Variants in DST observed in about 807,000 individuals in gnomAD.
DST encodes the protein bullous pemphigoid antigen.
A neutral mutation model predicts 875.2 loss-of-function variants in DST; 253 were observed. The ratio of observed to expected loss-of-function variants is 0.29; its 90% CI spans 0.26 to 0.32. DST has a LOEUF of 0.32. Ranked by LOEUF, DST falls within the 10% of genes least tolerant of loss-of-function variation. DST has a pLI of 1.00. For synonymous variants in DST, 3,124 were observed against 3,197.1 expected (o/e 0.98, Z 0.77); for missense variants, 8,287 against 9,111.6 (o/e 0.91, Z 3.68).
At chr6:56,749,300 G>A (rs2099580995) in intron 4 of DST, among the ~76,000 whole-genome samples, 1 of 152,118 alleles carries the variant, frequency 6.6e-6, no homozygotes, top group Admixed American at 6.6e-5. Flanking sequence ...GTTGCAGTGA[G>A]ACGAGATTGG....
chr6:56,932,926 T>C lies in DST; in HGVS notation c.216+20859A>G, dbSNP rs373559382. On this transcript the variant is annotated intron_variant, in intron 2 of 103. Transcript: ENST00000680361. The stretch of plus-strand genomic sequence containing the variant: ...AGCAACTAGATAAGCAAGAAGGTAA[T>C]AGTAGCTTAAAACAATCTCCCAGGA... Among the ~76,000 whole-genome samples the C allele has an allele frequency of 2.3e-3, 352 of 150,968 alleles. 3 individuals carry two copies. The highest frequency in any genetic ancestry group is 8.1e-3 in the African/African-American group (333 of 41,048).
At chr6:56,620,522 T>A in intron 36 of DST, 1 of 1,614,088 alleles carries the variant, frequency 6.2e-7, no homozygotes, top group Non-Finnish European at 8.5e-7. Flanking sequence ...CTTTCTCAAT[T>A]CATTTTCTGC....
In DST at chr6:56,604,355, C is replaced by A; in HGVS notation, c.10273G>T (p.Glu3425Ter). 1 of 1,612,202 alleles carries A rather than the reference C, an allele frequency of 6.2e-7. No individual in the cohort carries two copies. The highest frequency in any genetic ancestry group is 8.5e-7 in the Non-Finnish European group (1 of 1,179,012). ...SGVSPMTNSS[E>*]LKPESRDDPF... The stretch of plus-strand genomic sequence containing the variant: ...TCATCTCTACTTTCTGGCTTTAGTT[C>A]TGATGAGTTAGTCATGGGGGAAACT... Residue 3425 changes from glutamate to a stop codon, truncating the protein, a stop_gained, in exon 40 of 104, where the codon GAA becomes TAA. Coordinates refer to ENST00000680361, the MANE Select transcript of DST (RefSeq NM_001374736.1). LOFTEE classifies it high-confidence loss of function.
At chr6:56,733,260 C>G (rs2099509423) in intron 5 of DST, among the ~76,000 whole-genome samples, 1 of 152,084 alleles carries the variant, frequency 6.6e-6, no homozygotes, top group Middle Eastern at 3.2e-3. Context: ...ACCTATCAAT[C>G]TCCTCAAAAA....
intron 36 of DST, chr6:56,615,422 C>A (rs1355745921): frequency 6.3e-7 from 1 of 1,585,132 alleles, no homozygotes. Context: ...TTACATAATT[C>A]ACAGACTGCA....
Position 56,567,889 on chromosome 6 carries a change from T to C in DST, c.14005+580A>G, listed in dbSNP as rs186863374. Among the ~76,000 whole-genome samples the C allele has an allele frequency of 4.6e-5, 7 of 152,322 alleles. No individual in the cohort carries two copies. In the East Asian group the frequency reaches 1.3e-3, roughly 29 times the overall value. Reference sequence around the variant, plus strand: ...TTGCTTAAATTAATTTTAGAATCAATATTTACACATGAATCTCCCATTTTA... The same window carrying C: ...TTGCTTAAATTAATTTTAGAATCAACATTTACACATGAATCTCCCATTTTA... On this transcript the variant is annotated intron_variant, in intron 55 of 103. Coordinates refer to ENST00000680361, the MANE Select transcript of DST (RefSeq NM_001374736.1).
chr6:56,756,334 C>G (rs1050180682), intron 4 of DST, among the ~76,000 whole-genome samples: 2 of 152,118 alleles, frequency 1.3e-5, no homozygotes, highest in African/African-American at 4.8e-5. Context: ...GGGCCAGGAA[C>G]AATCAAGCAT....
intron 61 of DST, among the ~76,000 whole-genome samples, chr6:56,544,001 AAG>A (rs1186869611): frequency 2.0e-5 from 3 of 152,234 alleles, no homozygotes; most frequent in African/African-American, 7.2e-5. Flanking sequence ...TATAAAGAAA[AAG>A]AGATTTAAAA....
chr6:56,489,134 T>C (rs79877465), intron 86 of DST, among the ~76,000 whole-genome samples: 3,577 of 152,294 alleles, frequency 0.023, 137 homozygotes, highest in African/African-American at 0.08. Flanking sequence ...CAAGGTGCTA[T>C]TTTGTCTGTC....
Position 56,485,201 on chromosome 6 carries a change from T to C in DST, c.21207+111A>G, listed in dbSNP as rs774843961. 5.9e-6 allele frequency: 7 copies of C among 1,184,066 alleles called. No homozygotes were observed. The African/African-American group carries it at 1.1e-4, about 18-fold the overall frequency. The allele number at this position is 1,184,066 out of a possible 1,614,324, so 73.3% of individuals were successfully genotyped here. A position where few individuals can be genotyped will look rare whatever the true frequency, so the allele number is the denominator to read the frequency against. ...TATTTCAACAATAAAGACTGTTATG[T>C]AGTATGATCTATAGTCTTCTGATTT... On this transcript the variant is annotated intron_variant, in intron 88 of 103. Coordinates refer to ENST00000680361, the MANE Select transcript of DST (RefSeq NM_001374736.1).
In DST at chr6:56,526,488, A is replaced by G; in HGVS notation, c.18002T>C (p.Val6001Ala). Residue 6001 changes from valine to alanine, a missense_variant, in exon 69 of 104, where the codon GTA (valine) becomes GCA (alanine). Around this residue, in one of 10 missense-constraint regions of DST, gnomAD observed 777 missense variants for 764.8 expected, o/e 1.02. Transcript: ENST00000680361. The stretch of plus-strand genomic sequence containing the variant: ...AAGTCCTTCTCTTGCCCTCCATGGT[A>G]CCAGTTCCAGCAAAGCACTGCTCAC... ...NEVSSALLEL[V>A]PWRAREGLEK... 6.2e-7 allele frequency: 1 copy of G among 1,613,842 alleles called. No individual in the cohort carries two copies. Among genetic ancestry groups the G allele is most frequent in the Non-Finnish European group, 8.5e-7 (1 of 1,179,802 alleles).
intron 36 of DST, chr6:56,616,140 C>G: frequency 6.2e-7 from 1 of 1,614,184 alleles, no homozygotes; most frequent in Non-Finnish European, 8.5e-7. Context: ...CTGTGCAAAT[C>G]TTTCTTGGGG....
Position 56,746,545 on chromosome 6 carries a change from G to A in DST, c.626-11256C>T, listed in dbSNP as rs2152945546. Among the ~76,000 whole-genome samples the A allele has an allele frequency of 2.0e-5, 3 of 151,976 alleles. No individual in the cohort carries two copies. The South Asian group carries it at 6.2e-4, about 32-fold the overall frequency. ...AATCTGCACATAGTAACACAAAAGAGGTTTACAAGATCAGTGAAAAAAAAT... is the reference window on the plus strand; with the variant it reads ...AATCTGCACATAGTAACACAAAAGAAGTTTACAAGATCAGTGAAAAAAAAT... On this transcript the variant is annotated intron_variant, in intron 4 of 103. Coordinates refer to ENST00000680361, the MANE Select transcript of DST (RefSeq NM_001374736.1).
intron 4 of DST, among the ~76,000 whole-genome samples, chr6:56,784,920 C>T (rs2099701991): frequency 6.6e-6 from 1 of 152,112 alleles, no homozygotes; most frequent in South Asian, 2.1e-4. Flanking sequence ...GATGTCCTTT[C>T]TGTTTGTTAG....
At position 56,606,500 on chromosome 6, in the gene DST, G is replaced by A. The variant is rs1452454213; in HGVS notation, c.8128C>T (p.Pro2710Ser). 4 of 1,613,084 alleles carry A rather than the reference G, an allele frequency of 2.5e-6. No homozygotes were observed. The highest frequency in any genetic ancestry group is 2.7e-5 in the African/African-American group (2 of 74,856). ...CCATTCACCTTATCTGAGCCAACAGGATTTAAATGTATTTTTTCACCAGAA... is the reference window on the plus strand; with the variant it reads ...CCATTCACCTTATCTGAGCCAACAGAATTTAAATGTATTTTTTCACCAGAA... ...LDSGEKIHLN[P>S]VGSDKVNGQS... Residue 2710 changes from proline (P) to serine (S), a missense_variant, in exon 40 of 104, where the codon CCT becomes TCT. By Grantham distance (74) the Pro-to-Ser change is moderately conservative (BLOSUM62 -1). This residue lies in a region of DST where 3,138 missense variants were observed against 3,116.6 expected (regional missense o/e 1.01). Transcript: ENST00000680361.
intron 4 of DST, among the ~76,000 whole-genome samples, chr6:56,775,612 G>A (rs1258885155): frequency 6.6e-6 from 1 of 152,100 alleles, no homozygotes; most frequent in Non-Finnish European, 1.5e-5. Flanking sequence ...GCTAGGGCAG[G>A]AAATACACAA....
At chr6:56,858,928 G>T (rs1447616593) in intron 3 of DST, among the ~76,000 whole-genome samples, 1 of 152,204 alleles carries the variant, frequency 6.6e-6, no homozygotes. Flanking sequence ...ACAAGGTGCA[G>T]CCAGGATTTC....
intron 23 of DST, 77 bp from the exon 24 acceptor site, chr6:56,635,791 A>G: frequency 6.7e-7 from 1 of 1,483,776 alleles, no homozygotes; most frequent in Non-Finnish European, 9.3e-7. Context: ...TCCAATACCA[A>G]GGTCCTATGT....
chr6:56,614,724 A>G, intron 36 of DST: 1 of 1,124,534 alleles, frequency 8.9e-7, no homozygotes, highest in Non-Finnish European at 1.1e-6. Context: ...CTAACCTCCC[A>G]GCTGTTCCAT....
Sources: allele counts gnomAD v4.1 joint callset (sites outside exome capture counted in the v4.1 genomes callset), GRCh38; gene constraint gnomAD v4.1.1; regional missense constraint gnomAD v4.1.1; transcripts MANE v1.5; gene names NCBI Gene and HGNC (gene_info 2026-07-23, HGNC 2026-07-21).